The following GFRA2 variants were observed in gnomAD, a reference collection of about 807,000 sequenced individuals.
GFRA2 encodes the protein GDNF family receptor alpha 2, also known as GDNF family receptor alpha-2.
GFRA2 carries 17 observed loss-of-function variants against 48.3 expected under a neutral mutation model. The observed-to-expected ratio is 0.35, with a 90% CI of 0.24 to 0.53. The LOEUF (loss-of-function observed/expected upper bound fraction) is 0.53. Among genes scored for constraint, GFRA2 ranks in the 20% least tolerant of loss-of-function variants. The pLI is 0.93. For synonymous variants in GFRA2, 305 were observed against 257.2 expected, an observed-to-expected ratio of 1.19 and a Z score of -1.78; for missense variants, 660 against 637.3, an observed-to-expected ratio of 1.04 and a Z score of -0.38.
intron 4 of GFRA2, among the ~76,000 whole-genome samples, chr8:21,748,241 ATAG>A (rs1805108296): frequency 6.6e-6 from 1 of 152,134 alleles, no homozygotes; most frequent in South Asian, 2.1e-4. Flanking sequence ...GAAGGTGGCA[ATAG>A]TCCCCCAGGC....
At chr8:21,766,760 T>C (rs927378863) in intron 3 of GFRA2, among the ~76,000 whole-genome samples, 2 of 978 alleles carry the variant, frequency 2.0e-3, no homozygotes, top group African/African-American at 6.5e-3. Context: ...CCTTCCGTCC[T>C]GTCCCTTCAG....
At chr8:21,728,088 G>A (rs566691265) in intron 4 of GFRA2, among the ~76,000 whole-genome samples, 1 of 152,082 alleles carries the variant, frequency 6.6e-6, no homozygotes, top group South Asian at 2.1e-4. Context: ...TGGACTCCCT[G>A]TCCACAGGCC....
intron 3 of GFRA2, among the ~76,000 whole-genome samples, chr8:21,774,148 A>C (rs1806571656): frequency 2.0e-5 from 3 of 149,726 alleles, no homozygotes; most frequent in African/African-American, 2.5e-5. Context: ...AGAGGAGCTC[A>C]CCCCCCACCC....
chr8:21,790,962 C>G (rs1377289214), upstream of GFRA2, among the ~76,000 whole-genome samples: 1 of 152,074 alleles, frequency 6.6e-6, no homozygotes, highest in Non-Finnish European at 1.5e-5. Flanking sequence ...TGAATGTCCC[C>G]CCTCTCATCT....
At chr8:21,724,586 G>A (rs1286787191) in intron 4 of GFRA2, among the ~76,000 whole-genome samples, 1 of 152,140 alleles carries the variant, frequency 6.6e-6, no homozygotes, top group African/African-American at 2.4e-5. Flanking sequence ...AGGCAAACTG[G>A]GAATGGCAAT....
Position 21,787,534 on chromosome 8 carries a change from G to C in GFRA2, c.40+586C>G, listed in dbSNP as rs1224797866. On this transcript the variant is annotated intron_variant, in intron 1 of 8. Transcript: ENST00000524240. ...AGTGTTCCGGGGAGTGGAGCCGCCG[G>C]TTAGGGGCTCAGGGCGTGGGGACGC... is the stretch of plus-strand genomic sequence containing the variant. 3.3e-5 allele frequency among the ~76,000 whole-genome samples: 5 copies of C among 152,204 alleles called. No individual in the cohort carries two copies. The South Asian group carries it at 6.2e-4, about 19-fold the overall frequency.
intron 4 of GFRA2, among the ~76,000 whole-genome samples, chr8:21,728,272 T>TG (rs1464283989): frequency 7.5e-6 from 1 of 133,904 alleles, no homozygotes; most frequent in Non-Finnish European, 1.6e-5. Context: ...CAGGTTTTTT[T>TG]TTTTTTTTTT....
At chr8:21,782,509 G>T in intron 2 of GFRA2, 76 bp downstream of exon 2, 1 of 1,143,860 alleles carries the variant, frequency 8.7e-7, no homozygotes, top group Non-Finnish European at 1.2e-6. Flanking sequence ...CCTCCCTCCT[G>T]AACCCCTGGC....
chr8:21,792,585 GA>G (rs1158006702), upstream of GFRA2, among the ~76,000 whole-genome samples: 2 of 152,172 alleles, frequency 1.3e-5, no homozygotes, highest in African/African-American at 4.8e-5. Flanking sequence ...AGAAGATACT[GA>G]AAAAAACAAA....
intron 4 of GFRA2, among the ~76,000 whole-genome samples, chr8:21,721,097 C>T (rs928504275): frequency 3.8e-4 from 58 of 152,156 alleles, no homozygotes; most frequent in Admixed American, 3.7e-3. Context: ...AGGACTTTCT[C>T]TAAGCAGCAG....
At chr8:21,775,688 G>C (rs1387293945) in intron 2 of GFRA2, among the ~76,000 whole-genome samples, 2 of 152,146 alleles carry the variant, frequency 1.3e-5, no homozygotes, top group Non-Finnish European at 2.9e-5. Context: ...GGGGCTGAAG[G>C]TCTGCTCAGT....
intron 4 of GFRA2, among the ~76,000 whole-genome samples, chr8:21,716,288 G>T (rs569526918): frequency 7.0e-6 from 1 of 143,394 alleles, no homozygotes; most frequent in Non-Finnish European, 1.5e-5. Context: ...ACACTACTGC[G>T]CTCCAGCCTG....
upstream of GFRA2, among the ~76,000 whole-genome samples, chr8:21,792,708 G>C (rs1031138169): frequency 6.6e-4 from 100 of 152,322 alleles, no homozygotes; most frequent in African/African-American, 2.3e-3. Flanking sequence ...GTAGAATTTG[G>C]CTGAGCACAG....
upstream of GFRA2, chr8:21,788,930 C>G: frequency 2.4e-6 from 1 of 416,754 alleles, no homozygotes; most frequent in Non-Finnish European, 3.2e-6. Context: ...CCTCCCTCCG[C>G]CCGCCCCCTT....
chr8:21,706,168 AG>A, intron 4 of GFRA2, 127 bp from the exon 5 acceptor site: 1 of 656,116 alleles, frequency 1.5e-6, no homozygotes, highest in Non-Finnish European at 2.7e-6. Flanking sequence ...AGGAAGAGGG[AG>A]GGGAGGAAAG....
At position 21,729,262 on chromosome 8, in the gene GFRA2, T is replaced by G. The variant is rs1284744123; in HGVS notation, c.794+21326A>C. Among the ~76,000 whole-genome samples the G allele has an allele frequency of 3.3e-5, 5 of 152,128 alleles. No individual in the cohort carries two copies. The East Asian group carries it at 9.6e-4, about 29-fold the overall frequency. On this transcript the variant is annotated intron_variant, in intron 4 of 8. Coordinates refer to ENST00000524240, the MANE Select transcript of GFRA2 (RefSeq NM_001495.5). ...GGAGGATCACTTGAGCCCAGGAGCT[T>G]GAGGCTGCAGTGAGCCGTGATCACA...
chr8:21,697,638 AAACTCGCACATAACCACTG>A (rs1802274426), intron 7 of GFRA2, among the ~76,000 whole-genome samples: 1 of 152,168 alleles, frequency 6.6e-6, no homozygotes, highest in South Asian at 2.1e-4. Context: ...ATAGAGAAAT[AAACTCGCACATAACCACTG>A]ATATGGTTTG....
chr8:21,808,809 C>T (rs1044588494), intron 1 of GFRA2, among the ~76,000 whole-genome samples: 11 of 152,236 alleles, frequency 7.2e-5, no homozygotes, highest in Non-Finnish European at 1.6e-4. Context: ...AGTGAAGGCC[C>T]TGAAGCCAAG....
At chr8:21,809,179 C>T (rs1807930236) in intron 1 of GFRA2, among the ~76,000 whole-genome samples, 1 of 152,180 alleles carries the variant, frequency 6.6e-6, no homozygotes, top group African/African-American at 2.4e-5. Flanking sequence ...GCACTCCATG[C>T]TTTTTCCTGT....
Sources: gnomAD v4.1 joint callset for allele counts (sites outside exome capture counted in the v4.1 genomes callset) on GRCh38, gnomAD v4.1.1 for gene constraint, MANE v1.5 for transcripts, NCBI Gene and HGNC (gene_info 2026-07-23, HGNC 2026-07-21) for gene names.